CEP131: variants seen among roughly 807,000 people sequenced by gnomAD.
The protein encoded by CEP131 is centrosomal protein of 131 kDa.
CEP131 carries 99 observed loss-of-function variants against 136.8 expected under a neutral mutation model. The observed-to-expected ratio is 0.72, with a 90% confidence interval of 0.62 to 0.86. The LOEUF (loss-of-function observed/expected upper bound fraction) is 0.86. Ranked by LOEUF, CEP131 falls within the 40% of genes least tolerant of loss-of-function variation. The probability of loss-of-function intolerance (pLI) is 0.00; values close to 1 mark genes in which losing one functional copy is unlikely to be tolerated. For missense variants in CEP131, 1,459 were observed against 1,463.0 expected, an observed-to-expected ratio of 1.00 and a Z score of 0.04; for synonymous variants, 646 against 612.7, an observed-to-expected ratio of 1.05 and a Z score of -0.80.
At chr17:81,207,104 G>A (rs764590341) in intron 4 of CEP131, 21 bp downstream of exon 4, 1 of 1,602,002 alleles carries the variant, frequency 6.2e-7, no homozygotes, top group Non-Finnish European at 8.5e-7. Flanking sequence ...CCAGGACGTG[G>A]GGCCGCATGC....
chr17:81,206,899 G>A lies in CEP131; in HGVS notation c.388-28C>T, dbSNP rs568551175. On this transcript the variant is annotated intron_variant, in intron 4 of 25. Transcript: ENST00000450824. ...GTCAGACAGCTCAGCCCATGACACCGCCCGCACACACCCAGACACCCCATC... is the reference window on the plus strand; with the variant it reads ...GTCAGACAGCTCAGCCCATGACACCACCCGCACACACCCAGACACCCCATC... 17 of 1,605,386 alleles carry A rather than the reference G, an allele frequency of 1.1e-5. No homozygotes were observed. The African/African-American group carries it at 1.1e-4, about 10-fold the overall frequency.
At chr17:81,222,701 C>G (rs1050411672) in intron 1 of CEP131, 68 bp downstream of exon 1, 7 of 152,320 alleles carry the variant, frequency 4.6e-5, no homozygotes, top group African/African-American at 1.4e-4. Flanking sequence ...CTCCCACCTG[C>G]GCGGGCTCCG....
rs1445973697 is a variant in CEP131 at position 81,219,359 on chromosome 17, T to C, written c.177+521A>G. On this transcript the variant is annotated intron_variant, in intron 2 of 25. Transcript: ENST00000450824. The surrounding 1 kb of genome is among the most constrained non-coding windows in gnomAD (Gnocchi z 4.0). ...GCCAGGCTGGAGTGCAACGGCACGA[T>C]CTCGGCTCACCGCAACCTCTGCCTC... Among the ~76,000 whole-genome samples the C allele has an allele frequency of 6.8e-6, 1 of 148,066 alleles. No homozygotes were observed. The highest frequency in any genetic ancestry group is 1.5e-5 in the Non-Finnish European group (1 of 67,478).
intron 5 of CEP131, among the ~76,000 whole-genome samples, chr17:81,205,427 CGGGATGGGGGTA>C (rs2061984735): frequency 3.6e-5 from 2 of 55,414 alleles, no homozygotes; most frequent in African/African-American, 2.0e-4. Context: ...GGAGGGGCAG[CGGGATGGGGGTA>C]GGAGGGGTGG....
At chr17:81,193,241 G>A (rs2061682834) in intron 18 of CEP131, among the ~76,000 whole-genome samples, 1 of 152,218 alleles carries the variant, frequency 6.6e-6, no homozygotes, top group Non-Finnish European at 1.5e-5. Flanking sequence ...GCCTGAGGGT[G>A]CCAGGTGCCT....
intron 5 of CEP131, among the ~76,000 whole-genome samples, chr17:81,205,007 T>A (rs1014414387): frequency 2.6e-5 from 4 of 152,084 alleles, no homozygotes; most frequent in African/African-American, 2.4e-5. Flanking sequence ...ACACCTATAA[T>A]CCTAGCACTT....
At position 81,199,717 on chromosome 17, in the gene CEP131, A is replaced by G. The variant is rs1316547926; in HGVS notation, c.1023+2T>C. 2 of 1,608,344 alleles carry G rather than the reference A, an allele frequency of 1.2e-6. No homozygotes were observed. Among genetic ancestry groups the G allele is most frequent in the Non-Finnish European group, 1.7e-6 (2 of 1,179,844 alleles). Reference sequence around the variant, plus strand: ...GCTCAGTGGTCCCTGCGCGGTCAGCACCTGAATGGCTGCTCGCCTGGCTTG... The same window carrying G: ...GCTCAGTGGTCCCTGCGCGGTCAGCGCCTGAATGGCTGCTCGCCTGGCTTG... On this transcript the variant is annotated splice_donor_variant, in intron 9 of 25. Coordinates refer to ENST00000450824, the MANE Select transcript of CEP131 (RefSeq NM_014984.4). LOFTEE classifies it high-confidence loss of function.
chr17:81,216,666 G>A (rs192236378), intron 2 of CEP131, among the ~76,000 whole-genome samples: 226 of 152,336 alleles, frequency 1.5e-3, no homozygotes, highest in Admixed American at 2.9e-3. Context: ...AACAGTGGCC[G>A]CCTAGGAGAG....
rs61741559 is a variant in CEP131, at chr17:81,195,841, G to A, written c.2010C>T (p.His670=). 0.061 allele frequency: 98,098 copies of A among 1,603,434 alleles called. 3,937 individuals carry two copies. Among genetic ancestry groups the A allele is most frequent in the African/African-American group, 0.15 (11,576 of 74,990 alleles). Residue 670 remains histidine (H), a synonymous_variant, in exon 16 of 26, where the codon CAC becomes CAT. Coordinates refer to ENST00000450824, the MANE Select transcript of CEP131 (RefSeq NM_014984.4). The part of the protein sequence containing the change: ...TERVAQAQAQ[H]ELEIKKLKEL... ...GTAGGGAGCAAAGCCTCACCAGCTC[G>A]TGCTGCGCCTGTGCCTGGGCCACAC... is the stretch of plus-strand genomic sequence containing the variant.
chr17:81,205,249 A>G (rs1418003728), intron 5 of CEP131, among the ~76,000 whole-genome samples: 4 of 151,874 alleles, frequency 2.6e-5, no homozygotes, highest in Non-Finnish European at 5.9e-5. Flanking sequence ...ACAGAGCGAG[A>G]CTTCGTCTCA....
intron 21 of CEP131, 75 bp from the exon 22 acceptor site, chr17:81,191,410 C>T: frequency 6.9e-7 from 1 of 1,448,088 alleles, no homozygotes; most frequent in Non-Finnish European, 9.6e-7. Flanking sequence ...TCAGGGGGTC[C>T]TGGGGGGCTC....
chr17:81,194,188 C>G, intron 17 of CEP131, 61 bp from the exon 18 acceptor site: 1 of 1,414,566 alleles, frequency 7.1e-7, no homozygotes, highest in East Asian at 2.7e-5. Context: ...AAGTCCAACC[C>G]TGGCACAAGA....
chr17:81,192,892 A>T, intron 18 of CEP131, 49 bp from the exon 19 acceptor site: 1 of 1,567,150 alleles, frequency 6.4e-7, no homozygotes, highest in Non-Finnish European at 8.6e-7. Context: ...GGGCGGTCCC[A>T]GGACCCACCC....
chr17:81,196,790 C>T lies in CEP131; in HGVS notation c.1810G>A (p.Glu604Lys). ...TGCCGGCTCAGCGCCTTCTCTGTCT[C>T]CTTGACCCGCCGGGCCGTGAGGTCT... ...QRDLTARRVK[E>K]TEKALSRQLQ... Residue 604 changes from glutamate (E) to lysine (K), a missense_variant, in exon 15 of 26, where the codon GAG becomes AAG. Coordinates refer to ENST00000450824, the MANE Select transcript of CEP131 (RefSeq NM_014984.4). 6.3e-7 allele frequency: 1 copy of T among 1,585,464 alleles called. No individual in the cohort carries two copies. The highest frequency in any genetic ancestry group is 8.6e-7 in the Non-Finnish European group (1 of 1,166,732).
rs550289965 is a variant in CEP131 at position 81,192,952 on chromosome 17, G to GCCCTC, written c.2322-114_2322-110dup. On this transcript the variant is annotated intron_variant, in intron 18 of 25. Transcript: ENST00000450824. ...AGGCCTGACTCACAGCTGGAGAGCA[G>GCCCTC]CCCTCCGGGGCCCTGCCCCTCCCCC... 4.1e-4 allele frequency: 602 copies of GCCCTC among 1,456,214 alleles called. 4 individuals carry two copies. In the East Asian group the frequency reaches 0.011, roughly 28 times the overall value. The allele number at this position is 1,456,214 out of a possible 1,614,324, so 90.2% of individuals were successfully genotyped here.
At chr17:81,213,653 G>A (rs936385508) in intron 2 of CEP131, among the ~76,000 whole-genome samples, 1 of 152,038 alleles carries the variant, frequency 6.6e-6, no homozygotes, top group Non-Finnish European at 1.5e-5. Flanking sequence ...CTCTAAAGGA[G>A]GGGGAGCAAA....
At chr17:81,205,455 T>TAGGAGGGGCAGGGGGGA (rs2061987774) in intron 5 of CEP131, among the ~76,000 whole-genome samples, 1 of 8,156 alleles carries the variant, frequency 1.2e-4, no homozygotes, top group Non-Finnish European at 2.2e-4. Flanking sequence ...GGTGGGGGGG[T>TAGGAGGGGCAGGGGGGA]AGGAGGGGCG....
At chr17:81,202,529 G>A (rs1416759653) in intron 6 of CEP131, 131 bp from the exon 7 acceptor site, 3 of 1,092,874 alleles carry the variant, frequency 2.7e-6, no homozygotes, top group East Asian at 5.3e-5. Context: ...GGCAGCCGGG[G>A]CAGAGGGGGA....
intron 24 of CEP131, among the ~76,000 whole-genome samples, chr17:81,190,277 G>C (rs1273448061): frequency 1.3e-5 from 2 of 152,338 alleles, no homozygotes; most frequent in African/African-American, 4.8e-5. Context: ...CAGGAAGGAT[G>C]CAGGACCCCC....
Sources: gnomAD v4.1 joint callset for allele counts (sites outside exome capture counted in the v4.1 genomes callset) on GRCh38, gnomAD v4.1.1 for gene constraint, Gnocchi (gnomAD v3.1) non-coding constraint, MANE v1.5 for transcripts, NCBI Gene and HGNC (gene_info 2026-07-23, HGNC 2026-07-21) for gene names.